SHISA9: variants seen among roughly 807,000 people sequenced by gnomAD.
SHISA9 encodes the protein protein shisa-9.
SHISA9 carries 13 observed loss-of-function variants against 38.0 expected under a neutral mutation model. That is an observed-to-expected ratio of 0.34 (90% CI 0.22 to 0.54). The LOEUF (loss-of-function observed/expected upper bound fraction) is 0.54, where lower values mean the gene tolerates loss of function less well. Ranked by LOEUF, SHISA9 falls within the 20% of genes least tolerant of loss-of-function variation. The pLI is 0.91. For missense variants in SHISA9, 538 were observed against 575.8 expected (o/e 0.93, Z 0.67); for synonymous variants, 275 against 242.0 (o/e 1.14, Z -1.27).
chr16:13,415,563 C>T, the SHISA9 span, among the ~76,000 whole-genome samples: 4 of 152,106 alleles, frequency 2.6e-5, no homozygotes, highest in Non-Finnish European at 5.9e-5. Context: ...TATAACCAAC[C>T]TGCACACATA....
the SHISA9 span, chr16:13,331,428 AC>A: frequency 6.6e-6 from 1 of 151,996 alleles, no homozygotes; most frequent in Admixed American, 6.6e-5. Flanking sequence ...ATTTATCCAA[AC>A]TCTTCTTCTT....
At chr16:13,034,168 C>T (rs533508331) in intron 2 of SHISA9, among the ~76,000 whole-genome samples, 39 of 151,368 alleles carry the variant, frequency 2.6e-4, no homozygotes, top group African/African-American at 8.5e-4. Flanking sequence ...AAAAATACCT[C>T]CATCTGAGAC....
At chr16:13,088,124 A>G (rs1027364543) in intron 2 of SHISA9, among the ~76,000 whole-genome samples, 1 of 152,150 alleles carries the variant, frequency 6.6e-6, no homozygotes, top group Admixed American at 6.5e-5. Flanking sequence ...CAAAGATCAG[A>G]TGGTTGTAGA....
chr16:13,058,025 A>G (rs1215525186), intron 2 of SHISA9, among the ~76,000 whole-genome samples: 1 of 152,162 alleles, frequency 6.6e-6, no homozygotes, highest in Admixed American at 6.5e-5. Flanking sequence ...TGAATATGTT[A>G]AATAAGTGAT....
intron 4 of SHISA9, among the ~76,000 whole-genome samples, chr16:13,217,595 C>G (rs1436559315): frequency 6.6e-6 from 1 of 152,176 alleles, no homozygotes; most frequent in East Asian, 1.9e-4. Context: ...AATGTACTCT[C>G]TGTAGGTTTT....
chr16:13,004,082 G>GCAGAT (rs1311830459), intron 2 of SHISA9, among the ~76,000 whole-genome samples: 2 of 152,178 alleles, frequency 1.3e-5, no homozygotes, highest in Admixed American at 6.5e-5. Flanking sequence ...GAGGCATTTG[G>GCAGAT]CAGATTCTTT....
In SHISA9 at chr16:13,134,004, A is replaced by G. The variant is rs1250180445; in HGVS notation, c.692-69390A>G. On this transcript the variant is annotated intron_variant, in intron 2 of 4. Coordinates refer to ENST00000558583, the MANE Select transcript of SHISA9 (RefSeq NM_001145204.3). Reference sequence around the variant, plus strand: ...TGACAATGTACTCTATGCCTGCACTAGGAGCAGACTCTACAATCATCTTGA... The same window carrying G: ...TGACAATGTACTCTATGCCTGCACTGGGAGCAGACTCTACAATCATCTTGA... Among the ~76,000 whole-genome samples, 4 of 152,222 alleles carry G rather than the reference A, an allele frequency of 2.6e-5. No homozygotes were observed. The East Asian group carries it at 7.7e-4, about 29-fold the overall frequency.
the SHISA9 span, among the ~76,000 whole-genome samples, chr16:13,307,973 G>A: frequency 2.7e-4 from 41 of 152,238 alleles, no homozygotes; most frequent in East Asian, 4.4e-3. Flanking sequence ...AAATCTCACC[G>A]CATATATTCT....
chr16:13,488,530 T>C, the SHISA9 span, among the ~76,000 whole-genome samples: 4 of 152,188 alleles, frequency 2.6e-5, no homozygotes, highest in African/African-American at 7.2e-5. Context: ...GTACTGTTTC[T>C]ATGTTTGGAT....
the SHISA9 span, among the ~76,000 whole-genome samples, chr16:13,292,818 G>T: frequency 2.0e-5 from 3 of 152,106 alleles, no homozygotes; most frequent in Non-Finnish European, 4.4e-5. Flanking sequence ...AATTTGTCAA[G>T]GACCAACAGT....
chr16:13,040,292 G>T (rs1023926448), intron 2 of SHISA9, among the ~76,000 whole-genome samples: 1 of 152,120 alleles, frequency 6.6e-6, no homozygotes, highest in Non-Finnish European at 1.5e-5. Flanking sequence ...CAGTCACATT[G>T]GTTGGCTTTC....
At position 13,235,051 on chromosome 16, in the gene SHISA9, T is replaced by C; in HGVS notation, c.917T>C (p.Phe306Ser). The C allele has an allele frequency of 6.4e-7, 1 of 1,550,948 alleles. No homozygotes were observed. Among genetic ancestry groups the C allele is most frequent in the East Asian group, 2.4e-5 (1 of 40,872 alleles). Residue 306 changes from phenylalanine to serine, a missense_variant, in exon 5 of 5, where the codon TTC becomes TCC. Physicochemically the swap from Phe to Ser is radical, Grantham distance 155 (BLOSUM62 -2). Transcript: ENST00000558583. ...GTAGCTGACAAGGTCAATGACGACT[T>C]CTACACCAAGCGACGGCACCTGGCT... The part of the protein sequence containing the change: ...SPKADKVNDD[F>S]YTKRRHLAEL...
intron 2 of SHISA9, among the ~76,000 whole-genome samples, chr16:12,980,302 G>A (rs1168897907): frequency 6.6e-6 from 1 of 152,064 alleles, no homozygotes; most frequent in Non-Finnish European, 1.5e-5. Flanking sequence ...AATCTTTGAG[G>A]TCTCGTACAT....
intron 2 of SHISA9, among the ~76,000 whole-genome samples, chr16:12,951,340 G>C (rs1326875588): frequency 6.6e-6 from 1 of 151,844 alleles, no homozygotes; most frequent in Non-Finnish European, 1.5e-5. Context: ...AACATCACTG[G>C]GGGGTAGAAG....
At chr16:13,165,317 T>A (rs2050626458) in intron 2 of SHISA9, among the ~76,000 whole-genome samples, 1 of 152,192 alleles carries the variant, frequency 6.6e-6, no homozygotes, top group Non-Finnish European at 1.5e-5. Flanking sequence ...TGATTTGTCA[T>A]TGTGTTTTCC....
chr16:13,334,701 G>A, the SHISA9 span, among the ~76,000 whole-genome samples: 10 of 149,168 alleles, frequency 6.7e-5, no homozygotes, highest in Non-Finnish European at 1.2e-4. Flanking sequence ...TTGAACCTGG[G>A]AGGCAGAGGT....
intron 2 of SHISA9, among the ~76,000 whole-genome samples, chr16:12,995,728 T>C (rs2072449727): frequency 6.6e-6 from 1 of 152,202 alleles, no homozygotes; most frequent in Non-Finnish European, 1.5e-5. Flanking sequence ...TTGCATTCAT[T>C]TCTAGGTATT....
intron 2 of SHISA9, among the ~76,000 whole-genome samples, chr16:13,125,873 A>G (rs747938781): frequency 2.0e-5 from 3 of 152,214 alleles, no homozygotes; most frequent in East Asian, 1.9e-4. Flanking sequence ...TTGAGCATTG[A>G]TCAGCTCTGA....
chr16:13,304,041 A>G, the SHISA9 span, among the ~76,000 whole-genome samples: 2 of 152,214 alleles, frequency 1.3e-5, no homozygotes, highest in Admixed American at 1.3e-4. Flanking sequence ...AAAGCAGGAA[A>G]TGTACAAAAG....
Sources: gnomAD v4.1 joint callset for allele counts (sites outside exome capture counted in the v4.1 genomes callset) on GRCh38, gnomAD v4.1.1 for gene constraint, MANE v1.5 for transcripts, NCBI Gene and HGNC (gene_info 2026-07-23, HGNC 2026-07-21) for gene names.